Variants in MNAT1 observed in about 807,000 individuals in gnomAD.
MNAT1 encodes CDK-activating kinase assembly factor MAT1.
MNAT1 carries 43 observed loss-of-function variants against 42.0 expected under a neutral mutation model. The observed-to-expected ratio is 1.02, with a 90% CI of 0.80 to 1.32. The LOEUF is 1.32. Ranked by LOEUF, MNAT1 falls within the 40% of genes most tolerant of loss-of-function variation. The pLI is 0.00. For missense variants in MNAT1, 306 were observed against 350.4 expected (o/e 0.87, Z 1.01); for synonymous variants, 118 against 120.0 (o/e 0.98, Z 0.11).
intron 7 of MNAT1, among the ~76,000 whole-genome samples, chr14:60,897,519 T>A (rs1025280236): frequency 2.6e-4 from 40 of 152,124 alleles, no homozygotes; most frequent in Admixed American, 2.3e-3. Flanking sequence ...TAAAATATCT[T>A]TATTTAAGGT....
chr14:60,958,122 C>T (rs2036518896), intron 7 of MNAT1, among the ~76,000 whole-genome samples: 2 of 152,184 alleles, frequency 1.3e-5, no homozygotes, highest in Non-Finnish European at 2.9e-5. Context: ...CAGGCTTGAG[C>T]CACCGTGCCC....
rs2036698237 is a variant in MNAT1 at position 60,967,226 on chromosome 14, T to A, written c.810-1003T>A. 2.0e-5 allele frequency among the ~76,000 whole-genome samples: 3 copies of A among 152,306 alleles called. No individual in the cohort carries two copies. The South Asian group carries it at 6.2e-4, about 32-fold the overall frequency. The stretch of plus-strand genomic sequence containing the variant: ...ACATGGATACAGATGAAAAACAGAC[T>A]TGTTATGTTAGAAGTTATAAGTTGC... On this transcript the variant is annotated intron_variant, in intron 7 of 7. Transcript: ENST00000261245.
At chr14:60,902,610 T>G (rs2035093164) in intron 7 of MNAT1, among the ~76,000 whole-genome samples, 1 of 152,122 alleles carries the variant, frequency 6.6e-6, no homozygotes, top group Non-Finnish European at 1.5e-5. Flanking sequence ...ACTTAGCTAA[T>G]AAGATACATC....
chr14:60,775,895 A>G (rs1566760935), intron 1 of MNAT1, among the ~76,000 whole-genome samples: 1 of 152,222 alleles, frequency 6.6e-6, no homozygotes, highest in Non-Finnish European at 1.5e-5. Context: ...ACTTTAATTA[A>G]AAATTGTAGA....
chr14:60,815,880 G>A (rs2032699365), intron 5 of MNAT1, among the ~76,000 whole-genome samples: 1 of 151,984 alleles, frequency 6.6e-6, no homozygotes, highest in Non-Finnish European at 1.5e-5. Context: ...ATTTTGTTAT[G>A]TTTATTTTTC....
rs536637884 is a variant in MNAT1, at chr14:60,838,611, GC to G, written c.687+19765del. ...CTGCAGTGGGGAAGGTATGGCTGGCGCTGCCCTGTACATGGAGCCAGTGGGA... is the reference window on the plus strand; with the variant it reads ...CTGCAGTGGGGAAGGTATGGCTGGCGTGCCCTGTACATGGAGCCAGTGGGA... On this transcript the variant is annotated intron_variant, in intron 6 of 7. Transcript: ENST00000261245. Among the ~76,000 whole-genome samples, 186 of 152,334 alleles carry G rather than the reference GC, an allele frequency of 1.2e-3. 2 individuals are homozygous for G. The highest frequency in any genetic ancestry group is 4.4e-3 in the African/African-American group (182 of 41,584).
At chr14:60,806,945 T>A (rs1268376018) in intron 3 of MNAT1, among the ~76,000 whole-genome samples, 2 of 152,064 alleles carry the variant, frequency 1.3e-5, no homozygotes, top group Non-Finnish European at 2.9e-5. Flanking sequence ...AGGACTAGAG[T>A]GTGATTTATG....
chr14:60,884,681 A>T (rs2086576994), intron 7 of MNAT1, among the ~76,000 whole-genome samples: 1 of 152,020 alleles, frequency 6.6e-6, no homozygotes, highest in African/African-American at 2.4e-5. Flanking sequence ...TGTAGTTATT[A>T]TGTTTAATTG....
At chr14:60,953,283 A>G (rs970954850) in intron 7 of MNAT1, among the ~76,000 whole-genome samples, 3 of 152,080 alleles carry the variant, frequency 2.0e-5, no homozygotes, top group African/African-American at 7.2e-5. Flanking sequence ...GCGTGTAGGT[A>G]TTGGCACCCT....
At position 60,740,774 on chromosome 14, in the gene MNAT1, C is replaced by A. The variant is rs1896438850; in HGVS notation, c.89+5823C>A. On this transcript the variant is annotated intron_variant, in intron 1 of 7. Coordinates refer to ENST00000261245, the MANE Select transcript of MNAT1 (RefSeq NM_002431.4). This position sits in a 1 kb window ranked among gnomAD's most constrained non-coding sequence, Gnocchi z 4.1. Reference sequence around the variant, plus strand: ...AGTTTTCTGAAAGCTTGCTTATGGTCCAGCATATGGCCTGTCTTTGTGAAC... The same window carrying A: ...AGTTTTCTGAAAGCTTGCTTATGGTACAGCATATGGCCTGTCTTTGTGAAC... Among the ~76,000 whole-genome samples, 1 of 152,092 alleles carries A rather than the reference C, an allele frequency of 6.6e-6. No homozygotes were observed. The highest frequency in any genetic ancestry group is 1.5e-5 in the Non-Finnish European group (1 of 68,018).
At chr14:60,885,009 C>G (rs2034632229) in intron 7 of MNAT1, among the ~76,000 whole-genome samples, 1 of 151,946 alleles carries the variant, frequency 6.6e-6, no homozygotes, top group Non-Finnish European at 1.5e-5. Flanking sequence ...TCATGCCAGT[C>G]TCTTCTGGCC....
intron 7 of MNAT1, among the ~76,000 whole-genome samples, chr14:60,912,809 G>A (rs970960958): frequency 4.0e-4 from 61 of 152,248 alleles, no homozygotes; most frequent in Middle Eastern, 3.4e-3. Flanking sequence ...GTGTCTTGGA[G>A]TTGCTCTTCT....
chr14:60,769,701 C>G (rs1173476917), intron 1 of MNAT1, among the ~76,000 whole-genome samples: 1 of 152,154 alleles, frequency 6.6e-6, no homozygotes, highest in Non-Finnish European at 1.5e-5. Context: ...CGTTGCCCGA[C>G]TGGAGTGCAG....
chr14:60,958,690 G>T (rs1425218863), intron 7 of MNAT1, among the ~76,000 whole-genome samples: 2 of 126,826 alleles, frequency 1.6e-5, no homozygotes, highest in East Asian at 2.5e-4. Flanking sequence ...AGGCTGGAGT[G>T]CAGTGGCGCG....
chr14:60,794,990 A>G (rs2031968206), intron 1 of MNAT1, among the ~76,000 whole-genome samples: 1 of 152,228 alleles, frequency 6.6e-6, no homozygotes, highest in Admixed American at 6.5e-5. Context: ...TTTATGAAAT[A>G]TACTGTACTT....
intron 7 of MNAT1, among the ~76,000 whole-genome samples, chr14:60,890,289 G>T (rs544653214): frequency 6.6e-6 from 1 of 152,222 alleles, no homozygotes; most frequent in Admixed American, 6.5e-5. Context: ...TGCATCCCAG[G>T]CATAAATTTA....
In MNAT1 at chr14:60,939,749, T is replaced by C. The variant is rs576085757; in HGVS notation, c.810-28480T>C. Among the ~76,000 whole-genome samples the C allele has an allele frequency of 6.0e-4, 91 of 152,326 alleles. 1 individual carries two copies. The highest frequency in any genetic ancestry group is 3.1e-3 in the East Asian group (16 of 5,188). The stretch of plus-strand genomic sequence containing the variant: ...GAGTTCTGTAGATGTCTATTAGGTC[T>C]GCTTGGTGCAGAGCTGAGTTCAGTT... On this transcript the variant is annotated intron_variant, in intron 7 of 7. Transcript: ENST00000261245.
At chr14:60,953,461 G>A (rs1201980612) in intron 7 of MNAT1, among the ~76,000 whole-genome samples, 1 of 152,132 alleles carries the variant, frequency 6.6e-6, no homozygotes, top group Non-Finnish European at 1.5e-5. Flanking sequence ...TGGGAAAGGA[G>A]AGGTACATAC....
rs564616672 is a variant in MNAT1 at position 60,740,601 on chromosome 14, T to A, written c.89+5650T>A. Among the ~76,000 whole-genome samples the A allele has an allele frequency of 6.6e-6, 1 of 152,304 alleles. No individual in the cohort carries two copies. Among genetic ancestry groups the A allele is most frequent in the South Asian group, 2.1e-4 (1 of 4,822 alleles). ...ATCTTATTCAGTACCTTTGTGCAAA[T>A]TGGGAAACAGAGCCCCCTCTGGGTA... On this transcript the variant is annotated intron_variant, in intron 1 of 7. Coordinates refer to ENST00000261245, the MANE Select transcript of MNAT1 (RefSeq NM_002431.4). The surrounding 1 kb of genome is among the most constrained non-coding windows in gnomAD (Gnocchi z 4.1).
Sources: allele counts gnomAD v4.1 joint callset (sites outside exome capture counted in the v4.1 genomes callset), GRCh38; gene constraint gnomAD v4.1.1; non-coding constraint Gnocchi (gnomAD v3.1); transcripts MANE v1.5; gene names NCBI Gene and HGNC (gene_info 2026-07-23, HGNC 2026-07-21).